Variants in HDAC9 observed in about 807,000 individuals in gnomAD.
HDAC9 encodes the protein MEF-2 interacting transcription repressor (MITR) protein.
A neutral mutation model predicts 139.4 loss-of-function variants in HDAC9; 41 were observed. The observed-to-expected ratio is 0.29, with a 90% CI of 0.23 to 0.38. HDAC9 has a LOEUF of 0.38. Among genes scored for constraint, HDAC9 ranks in the 10% least tolerant of loss-of-function variants. The pLI is 1.00. For synonymous variants in HDAC9, 517 were observed against 476.2 expected (o/e 1.09, Z -1.12); for missense variants, 1,147 against 1,297.0 (o/e 0.88, Z 1.78).
rs187661524 is a variant in HDAC9, at chr7:18,901,313, T to C, written c.2803+26717T>C. Among the ~76,000 whole-genome samples, 803 of 151,338 alleles carry C rather than the reference T, an allele frequency of 5.3e-3. 7 individuals are homozygous for C. The highest frequency in any genetic ancestry group is 0.019 in the African/African-American group (770 of 41,348). ...ATAATATATTTTGTTCCTGTGATTCTTTGACTCTCTGCTGGGACAGAATTA... is the reference window on the plus strand; with the variant it reads ...ATAATATATTTTGTTCCTGTGATTCCTTGACTCTCTGCTGGGACAGAATTA... On this transcript the variant is annotated intron_variant, in intron 22 of 25. Transcript: ENST00000686413.
intron 1 of HDAC9, among the ~76,000 whole-genome samples, chr7:18,139,688 CA>C (rs1459769685): frequency 6.6e-6 from 1 of 152,056 alleles, no homozygotes; most frequent in Non-Finnish European, 1.5e-5. Flanking sequence ...AAGGATTTTG[CA>C]AATATGGTTA....
chr7:18,579,542 C>T (rs1421387895), intron 2 of HDAC9, among the ~76,000 whole-genome samples: 1 of 152,126 alleles, frequency 6.6e-6, no homozygotes, highest in African/African-American at 2.4e-5. Context: ...TTGTATATCG[C>T]CAAATCCAGA....
intron 1 of HDAC9, among the ~76,000 whole-genome samples, chr7:18,310,480 C>A (rs1160983948): frequency 6.6e-6 from 1 of 152,138 alleles, no homozygotes; most frequent in Non-Finnish European, 1.5e-5. Context: ...GTTAACCAGT[C>A]TCCTAAGGAA....
chr7:18,590,572 G>A, intron 4 of HDAC9, 86 bp downstream of exon 4: 1 of 1,331,042 alleles, frequency 7.5e-7, no homozygotes, highest in Non-Finnish European at 1.0e-6. Flanking sequence ...AAAGAGTGCG[G>A]TTAGACTCGT....
intron 12 of HDAC9, among the ~76,000 whole-genome samples, chr7:18,690,534 T>C (rs1470805662): frequency 6.6e-6 from 1 of 152,022 alleles, no homozygotes; most frequent in Non-Finnish European, 1.5e-5. Context: ...TCCCTGTTTC[T>C]TTTCTGGAAT....
chr7:18,343,714 T>A (rs2128664658), intron 1 of HDAC9, among the ~76,000 whole-genome samples: 1 of 152,042 alleles, frequency 6.6e-6, no homozygotes, highest in South Asian at 2.1e-4. Context: ...CTACTTTTCT[T>A]GGATTCAGTA....
intron 1 of HDAC9, among the ~76,000 whole-genome samples, chr7:18,455,601 A>G (rs1324648359): frequency 6.6e-6 from 1 of 151,844 alleles, no homozygotes; most frequent in Non-Finnish European, 1.5e-5. Context: ...TCATTTTCCA[A>G]AGGATGGATT....
At chr7:18,740,213 C>G (rs995535582) in intron 13 of HDAC9, among the ~76,000 whole-genome samples, 1 of 152,306 alleles carries the variant, frequency 6.6e-6, no homozygotes, top group East Asian at 1.9e-4. Context: ...TCCCCCAACC[C>G]CTTGTGCTTC....
At chr7:18,911,492 A>AT (rs1055259527) in intron 22 of HDAC9, among the ~76,000 whole-genome samples, 7 of 150,496 alleles carry the variant, frequency 4.7e-5, no homozygotes, top group African/African-American at 1.7e-4. Flanking sequence ...CATCTTTTGT[A>AT]TTTTTTGGTC....
At chr7:18,183,473 T>C (rs934618108) in intron 2 of HDAC9, among the ~76,000 whole-genome samples, 2 of 152,190 alleles carry the variant, frequency 1.3e-5, no homozygotes, top group African/African-American at 4.8e-5. Flanking sequence ...TGCTGCCTGT[T>C]TTTGTGACCC....
At chr7:18,967,551 A>C (rs1202548487) in intron 24 of HDAC9, among the ~76,000 whole-genome samples, 3 of 145,806 alleles carry the variant, frequency 2.1e-5, no homozygotes, top group Non-Finnish European at 4.5e-5. Flanking sequence ...ATTTGTTATA[A>C]ATTTTGGTAA....
At chr7:18,370,436 C>A (rs990299678) in intron 1 of HDAC9, among the ~76,000 whole-genome samples, 3 of 152,110 alleles carry the variant, frequency 2.0e-5, no homozygotes, top group Non-Finnish European at 2.9e-5. Flanking sequence ...TGAACCCAAA[C>A]ATTCTCCTTT....
intron 1 of HDAC9, among the ~76,000 whole-genome samples, chr7:18,415,990 A>T (rs189644044): frequency 2.0e-5 from 3 of 152,150 alleles, no homozygotes; most frequent in Admixed American, 1.3e-4. Context: ...GGAGTTGCTA[A>T]AATTTTATTT....
chr7:18,506,829 C>T (rs1055926862), intron 2 of HDAC9, among the ~76,000 whole-genome samples: 10 of 152,066 alleles, frequency 6.6e-5, no homozygotes, highest in African/African-American at 2.4e-4. Context: ...ATAAAATTCT[C>T]AGCATATGAG....
At chr7:18,794,293 C>T (rs1037443232) in intron 17 of HDAC9, among the ~76,000 whole-genome samples, 2 of 147,196 alleles carry the variant, frequency 1.4e-5, no homozygotes, top group East Asian at 2.0e-4. Flanking sequence ...TGACCAATAA[C>T]ATATGCACTG....
intron 13 of HDAC9, among the ~76,000 whole-genome samples, chr7:18,742,517 A>C (rs1584955421): frequency 6.6e-6 from 1 of 152,216 alleles, no homozygotes; most frequent in East Asian, 1.9e-4. Context: ...CAAACCAAAA[A>C]ACTCATGTGA....
intron 12 of HDAC9, among the ~76,000 whole-genome samples, chr7:18,700,968 A>G (rs989972368): frequency 6.6e-6 from 1 of 152,116 alleles, no homozygotes; most frequent in African/African-American, 2.4e-5. Flanking sequence ...TGTAGAGAGG[A>G]ATGCTTCACT....
chr7:18,231,011 A>G (rs558343998), intron 2 of HDAC9, among the ~76,000 whole-genome samples: 67 of 152,174 alleles, frequency 4.4e-4, no homozygotes, highest in Admixed American at 1.4e-3. Flanking sequence ...ATGGAGGTGA[A>G]GGTTGGGGCT....
At chr7:18,559,942 C>G (rs760646149) in intron 2 of HDAC9, among the ~76,000 whole-genome samples, 1 of 152,050 alleles carries the variant, frequency 6.6e-6, no homozygotes, top group Non-Finnish European at 1.5e-5. Flanking sequence ...TAAAGTCTTC[C>G]TATATTTGTT....
Sources: gnomAD v4.1 joint callset for allele counts (sites outside exome capture counted in the v4.1 genomes callset) on GRCh38, gnomAD v4.1.1 for gene constraint, MANE v1.5 for transcripts, NCBI Gene and HGNC (gene_info 2026-07-23, HGNC 2026-07-21) for gene names.